UBE2K: variants seen among roughly 807,000 people sequenced by gnomAD.
UBE2K encodes the protein ubiquitin-conjugating enzyme E2 K.
A neutral mutation model predicts 30.0 loss-of-function variants in UBE2K; 6 were observed. The ratio of observed to expected loss-of-function variants is 0.20; its 90% CI spans 0.11 to 0.39. The LOEUF (loss-of-function observed/expected upper bound fraction) is 0.39, where lower values mean the gene tolerates loss of function less well. Among genes scored for constraint, UBE2K ranks in the 10% least tolerant of loss-of-function variants. The probability of loss-of-function intolerance (pLI) is 1.00; values close to 1 mark genes in which losing one functional copy is unlikely to be tolerated. For missense variants in UBE2K, 61 were observed against 241.6 expected, an observed-to-expected ratio of 0.25 and a Z score of 4.96; for synonymous variants, 86 against 83.7, an observed-to-expected ratio of 1.03 and a Z score of -0.15.
chr4:39,739,177 G>A (rs1401954908), intron 2 of UBE2K, among the ~76,000 whole-genome samples: 6 of 151,402 alleles, frequency 4.0e-5, no homozygotes, highest in East Asian at 3.9e-4. Flanking sequence ...ACGGGCACCC[G>A]CCACCATGCC....
At chr4:39,770,669 T>TGGGGCCACAGTGCTGG in intron 4 of UBE2K, 1 of 1,581,940 alleles carries the variant, frequency 6.3e-7, no homozygotes, top group African/African-American at 1.3e-5. Context: ...CACCCTGCGG[T>TGGGGCCACAGTGCTGG]GGGGCCACAG....
Position 39,778,582 on chromosome 4 carries a change from A to G in UBE2K, c.*148A>G. 1 of 504,606 alleles carries G rather than the reference A, an allele frequency of 2.0e-6. No individual in the cohort carries two copies. The highest frequency in any genetic ancestry group is 3.5e-6 in the Non-Finnish European group (1 of 285,374). The allele number at this position is 504,606 out of a possible 1,614,324, so 31.3% of individuals were successfully genotyped here. A position where few individuals can be genotyped will look rare whatever the true frequency, so the allele number is the denominator to read the frequency against. On this transcript the variant is annotated 3_prime_UTR_variant, in exon 7 of 7. Coordinates refer to ENST00000261427, the MANE Select transcript of UBE2K (RefSeq NM_005339.5). Reference sequence around the variant, plus strand: ...GGCACCATTGGAGACTGAAAAAAAAAAATCCCTGCTCTGTAAATAAAGCTA... The same window carrying G: ...GGCACCATTGGAGACTGAAAAAAAAGAATCCCTGCTCTGTAAATAAAGCTA...
intron 3 of UBE2K, among the ~76,000 whole-genome samples, chr4:39,754,231 C>T (rs1262523844): frequency 6.6e-6 from 1 of 152,114 alleles, no homozygotes; most frequent in Non-Finnish European, 1.5e-5. Flanking sequence ...TGATTGTCTC[C>T]TTTAATGAGA....
intron 1 of UBE2K, among the ~76,000 whole-genome samples, chr4:39,730,821 T>TC (rs1419722228): frequency 2.7e-5 from 4 of 145,538 alleles, no homozygotes; most frequent in Non-Finnish European, 4.6e-5. Flanking sequence ...TTTTTTTTTT[T>TC]TTTTTTTTGA....
chr4:39,739,767 A>C (rs1310413960), intron 2 of UBE2K, among the ~76,000 whole-genome samples: 2 of 151,752 alleles, frequency 1.3e-5, no homozygotes, highest in Non-Finnish European at 2.9e-5. Context: ...TTCTTTCTTT[A>C]TTGGAGAGAT....
intron 2 of UBE2K, among the ~76,000 whole-genome samples, chr4:39,739,166 T>G (rs965601430): frequency 6.6e-6 from 1 of 151,874 alleles, no homozygotes; most frequent in African/African-American, 2.4e-5. Context: ...CAGCTGGGAC[T>G]ACGGGCACCC....
chr4:39,765,573 A>C (rs1311241909), intron 4 of UBE2K, among the ~76,000 whole-genome samples: 3 of 152,148 alleles, frequency 2.0e-5, no homozygotes, highest in Non-Finnish European at 4.4e-5. Flanking sequence ...TAATCCCAGC[A>C]CTTTGGGAGG....
chr4:39,770,436 A>G (rs576750544), intron 4 of UBE2K: 1 of 1,612,218 alleles, frequency 6.2e-7, no homozygotes, highest in East Asian at 2.2e-5. Context: ...CACGCCCTGG[A>G]ACACTTCCGG....
chr4:39,720,082 T>C (rs767069642), intron 1 of UBE2K, among the ~76,000 whole-genome samples: 2 of 152,238 alleles, frequency 1.3e-5, no homozygotes, highest in African/African-American at 2.4e-5. Context: ...AAGCAGGAGA[T>C]ACTTGTTTTC....
intron 3 of UBE2K, among the ~76,000 whole-genome samples, chr4:39,748,909 T>C (rs1186762940): frequency 6.6e-6 from 1 of 152,222 alleles, no homozygotes; most frequent in Non-Finnish European, 1.5e-5. Context: ...ATGATAAATA[T>C]GTTCTAGATG....
At chr4:39,716,243 T>G (rs565256397) in intron 1 of UBE2K, among the ~76,000 whole-genome samples, 2 of 151,824 alleles carry the variant, frequency 1.3e-5, no homozygotes, top group Non-Finnish European at 2.9e-5. Context: ...CAGGATGGAC[T>G]ATTTATTTAT....
chr4:39,773,892 G>T (rs1046918527), intron 4 of UBE2K, among the ~76,000 whole-genome samples: 1 of 151,960 alleles, frequency 6.6e-6, no homozygotes, highest in Non-Finnish European at 1.5e-5. Context: ...CTGCACTCCA[G>T]CCTGGGCGAC....
At chr4:39,772,289 G>A (rs896025188) in intron 4 of UBE2K, among the ~76,000 whole-genome samples, 2 of 151,612 alleles carry the variant, frequency 1.3e-5, no homozygotes. Flanking sequence ...GCTAGTTGTC[G>A]TGGCTCACAC....
At chr4:39,734,357 G>A (rs1288655967) in intron 1 of UBE2K, among the ~76,000 whole-genome samples, 2 of 152,034 alleles carry the variant, frequency 1.3e-5, no homozygotes, top group African/African-American at 4.8e-5. Context: ...TTACAGGCAC[G>A]AGCCACCGCA....
chr4:39,760,176 C>CAAAAAAAAAA (rs71194913), intron 4 of UBE2K, among the ~76,000 whole-genome samples: 13 of 77,156 alleles, frequency 1.7e-4, no homozygotes, highest in African/African-American at 7.3e-4. Context: ...GACTCTGTCA[C>CAAAAAAAAAA]AAAAAAAAAA....
At chr4:39,733,051 GAAAAAAAAA>G (rs59978380) in intron 1 of UBE2K, among the ~76,000 whole-genome samples, 4 of 97,062 alleles carry the variant, frequency 4.1e-5, no homozygotes, top group African/African-American at 1.1e-4. Context: ...GGAACATCAG[GAAAAAAAAA>G]AAAAAAAAAA....
chr4:39,771,760 A>G (rs1712885923), intron 4 of UBE2K, among the ~76,000 whole-genome samples: 1 of 152,170 alleles, frequency 6.6e-6, no homozygotes, highest in African/African-American at 2.4e-5. Context: ...AGGGATGCTG[A>G]TGCTGCTGGT....
rs981325583 is a variant in UBE2K, at chr4:39,780,980, C to T, written c.*2546C>T. On this transcript the variant is annotated 3_prime_UTR_variant, in exon 7 of 7. Transcript: ENST00000261427. ...CAGTGAAATCCCATTTAGGGCAGGC[C>T]GATTTGTTAGAAGTCACTGATGCTC... is the stretch of plus-strand genomic sequence containing the variant. 2 of 151,900 alleles carry T rather than the reference C, an allele frequency of 1.3e-5. No individual in the cohort carries two copies. Among genetic ancestry groups the T allele is most frequent in the East Asian group, 1.9e-4 (1 of 5,196 alleles). The allele number at this position is 151,900 out of a possible 1,614,324, so 9.4% of individuals were successfully genotyped here.
intron 1 of UBE2K, among the ~76,000 whole-genome samples, chr4:39,715,694 G>A (rs890929630): frequency 3.3e-5 from 5 of 151,954 alleles, no homozygotes; most frequent in African/African-American, 1.2e-4. Flanking sequence ...TTAATTTTAA[G>A]GTATTCAGAT....
Sources: allele counts gnomAD v4.1 joint callset (sites outside exome capture counted in the v4.1 genomes callset), GRCh38; gene constraint gnomAD v4.1.1; transcripts MANE v1.5; gene names NCBI Gene and HGNC (gene_info 2026-07-23, HGNC 2026-07-21).